SRPRB: variants seen among roughly 807,000 people sequenced by gnomAD.
SRPRB encodes the protein signal recognition particle receptor subunit beta.
Under a neutral mutation model 31.9 loss-of-function variants are expected in SRPRB, and 20 were observed. The ratio of observed to expected loss-of-function variants is 0.63; its 90% confidence interval spans 0.44 to 0.91. The LOEUF (loss-of-function observed/expected upper bound fraction) is 0.91, where lower values mean the gene tolerates loss of function less well. Ranked by LOEUF, SRPRB falls within the 40% of genes least tolerant of loss-of-function variation. The pLI, the probability that SRPRB is intolerant of heterozygous loss-of-function variation, is 0.00. For synonymous variants in SRPRB, 146 were observed against 132.8 expected (o/e 1.10, Z -0.68); for missense variants, 321 against 324.9 (o/e 0.99, Z 0.09).
At chr3:133,817,741 GACTT>G (rs1935391681) in intron 6 of SRPRB, among the ~76,000 whole-genome samples, 1 of 152,146 alleles carries the variant, frequency 6.6e-6, no homozygotes, top group Non-Finnish European at 1.5e-5. Context: ...TCCCCACTAT[GACTT>G]ACTGACTCCC....
At chr3:133,809,536 C>A (rs991485881) in intron 3 of SRPRB, among the ~76,000 whole-genome samples, 2 of 151,528 alleles carry the variant, frequency 1.3e-5, no homozygotes, top group Admixed American at 1.3e-4. Context: ...CCTTTTTAAA[C>A]TCCCAAGGAT....
chr3:133,792,910 G>T (rs1449130411), intron 1 of SRPRB: 1 of 152,078 alleles, frequency 6.6e-6, no homozygotes, highest in Non-Finnish European at 1.5e-5. Context: ...CACAAACAGG[G>T]TTTTCTTAAA....
chr3:133,809,151 C>G (rs1321908283), intron 3 of SRPRB, among the ~76,000 whole-genome samples: 1 of 151,922 alleles, frequency 6.6e-6, no homozygotes, highest in Non-Finnish European at 1.5e-5. Context: ...CACCACCATG[C>G]CTGGCTAATT....
chr3:133,804,747 T>G (rs1935120306), upstream of SRPRB, among the ~76,000 whole-genome samples: 1 of 152,100 alleles, frequency 6.6e-6, no homozygotes, highest in South Asian at 2.1e-4. Flanking sequence ...TACAAGTGAC[T>G]CCATTTTGAT....
At chr3:133,812,773 C>G (rs369355312) in intron 4 of SRPRB, among the ~76,000 whole-genome samples, 1 of 152,178 alleles carries the variant, frequency 6.6e-6, no homozygotes, top group African/African-American at 2.4e-5. Flanking sequence ...CTTTAACTTT[C>G]ATCTTCCTCA....
At chr3:133,818,526 A>G (rs745965796) in intron 6 of SRPRB, among the ~76,000 whole-genome samples, 2 of 152,334 alleles carry the variant, frequency 1.3e-5, no homozygotes, top group East Asian at 3.9e-4. Context: ...TAGTCTCTCA[A>G]TAACACGGTA....
intron 1 of SRPRB, chr3:133,787,992 G>A (rs1934730137): frequency 6.6e-6 from 1 of 152,192 alleles, no homozygotes; most frequent in African/African-American, 2.4e-5. Flanking sequence ...GGTTGGTGGT[G>A]CAGAGGAGCT....
intron 3 of SRPRB, among the ~76,000 whole-genome samples, chr3:133,809,039 C>T (rs1935213115): frequency 1.3e-5 from 2 of 151,906 alleles, no homozygotes; most frequent in South Asian, 4.2e-4. Context: ...GTTGCCCAGG[C>T]TGGAGTGCAG....
At chr3:133,828,435 AC>A, downstream of SRPRB, 1 of 381,968 alleles carries the variant, frequency 2.6e-6, no homozygotes, top group Non-Finnish European at 4.7e-6. Flanking sequence ...TTACAAATAT[AC>A]AAAAACAAAA....
At chr3:133,817,847 G>T (rs191909162) in intron 6 of SRPRB, among the ~76,000 whole-genome samples, 9 of 152,302 alleles carry the variant, frequency 5.9e-5, no homozygotes, top group African/African-American at 1.7e-4. Flanking sequence ...CCTGTACTCA[G>T]GAGCTTAGAG....
chr3:133,808,706 C>T (rs529529432), intron 3 of SRPRB, among the ~76,000 whole-genome samples: 1 of 151,856 alleles, frequency 6.6e-6, no homozygotes, highest in Non-Finnish European at 1.5e-5. Flanking sequence ...GCCTGGCCAA[C>T]ATGATGAAAT....
chr3:133,797,116 T>C (rs923880479), intron 1 of SRPRB, among the ~76,000 whole-genome samples: 3 of 152,226 alleles, frequency 2.0e-5, no homozygotes, highest in Non-Finnish European at 2.9e-5. Context: ...ATGATCCCAA[T>C]TGCATAACAT....
rs1208334420 is a variant in SRPRB, at chr3:133,821,378, T to A, written c.*1612T>A. The A allele has an allele frequency of 6.6e-6, 1 of 152,208 alleles. No individual in the cohort carries two copies. The highest frequency in any genetic ancestry group is 2.4e-5 in the African/African-American group (1 of 41,446). 9.4% of individuals were successfully genotyped at this position (152,208 alleles called of 1,614,324 possible). A position where few individuals can be genotyped will look rare whatever the true frequency, so the allele number is the denominator to read the frequency against. Reference sequence around the variant, plus strand: ...CTCTTATTTCTTGCCCTTTTCCTTATTAGGCAAGCAGTAACTTAGGAAGTA... The same window carrying A: ...CTCTTATTTCTTGCCCTTTTCCTTAATAGGCAAGCAGTAACTTAGGAAGTA... On this transcript the variant is annotated 3_prime_UTR_variant, in exon 7 of 7. Transcript: ENST00000678299.
intron 1 of SRPRB, chr3:133,794,079 T>TG (rs2107957114): frequency 6.6e-6 from 1 of 152,342 alleles, no homozygotes; most frequent in East Asian, 1.9e-4. Context: ...ATCAGTGTTA[T>TG]GCACCTAATT....
intron 6 of SRPRB, among the ~76,000 whole-genome samples, chr3:133,817,668 G>T (rs7620678): frequency 0.074 from 11,286 of 152,212 alleles, 1,056 homozygotes; most frequent in African/African-American, 0.22. Flanking sequence ...TTGCTTTTGT[G>T]TAAGGCCTTG....
downstream of SRPRB, among the ~76,000 whole-genome samples, chr3:133,823,293 C>A (rs559943294): frequency 8.1e-5 from 12 of 147,646 alleles, no homozygotes; most frequent in South Asian, 2.7e-3. Context: ...GAGTCTCACT[C>A]TGTCGCCCAG....
At position 133,805,979 on chromosome 3, in the gene SRPRB, T is replaced by A; in HGVS notation, c.131T>A (p.Val44Asp). 1 of 1,613,130 alleles carries A rather than the reference T, an allele frequency of 6.2e-7. No individual in the cohort carries two copies. The highest frequency in any genetic ancestry group is 8.5e-7 in the Non-Finnish European group (1 of 1,179,432). Residue 44 changes from valine to aspartate, a missense_variant, in exon 1 of 7, where the codon GTT (valine) becomes GAT (aspartate). Transcript: ENST00000678299. ...ACGCTGTTGTCAGTAGTGGTGGCGG[T>A]TCTTGCGGTGCTGCTGACGCTAGGT... The part of the protein sequence containing the change: ...DPTLLSVVVA[V>D]LAVLLTLVFW...
intron 4 of SRPRB, 84 bp from the exon 5 acceptor site, chr3:133,815,506 T>A: frequency 1.3e-6 from 2 of 1,543,808 alleles, no homozygotes; most frequent in Non-Finnish European, 1.8e-6. Flanking sequence ...AAGATTGACT[T>A]TGAAGAAGTT....
rs2107969033 is a variant in SRPRB, at chr3:133,807,742, A to G, written c.250-4A>G. On this transcript the variant is annotated splice_polypyrimidine_tract_variant and splice_region_variant and intron_variant, in intron 2 of 6. Transcript: ENST00000678299. ...GAATATCACCCATCTTGTTTTTTTT[A>G]CAGTTGTTAACAGGCCTTTATAGAG... 1 of 1,606,152 alleles carries G rather than the reference A, an allele frequency of 6.2e-7. No homozygotes were observed. Among genetic ancestry groups the G allele is most frequent in the African/African-American group, 1.3e-5 (1 of 74,650 alleles).
Sources: allele counts gnomAD v4.1 joint callset (sites outside exome capture counted in the v4.1 genomes callset), GRCh38; gene constraint gnomAD v4.1.1; transcripts MANE v1.5; gene names NCBI Gene and HGNC (gene_info 2026-07-23, HGNC 2026-07-21).